The following FBXW10 variants were observed in gnomAD, a reference collection of about 807,000 sequenced individuals.
FBXW10 encodes the protein F-box and WD repeat domain containing 10.
Under a neutral mutation model 113.1 loss-of-function variants are expected in FBXW10, and 68 were observed. The observed-to-expected ratio is 0.60, with a 90% CI of 0.49 to 0.74. FBXW10 has a LOEUF of 0.74. FBXW10 is among the 30% of genes least tolerant of loss of function. The pLI is 0.00. For missense variants in FBXW10, 753 were observed against 1,284.5 expected, an observed-to-expected ratio of 0.59 and a Z score of 6.32; for synonymous variants, 289 against 481.6, an observed-to-expected ratio of 0.60 and a Z score of 5.24.
chr17:18,778,603 C>T lies in FBXW10; in HGVS notation c.2464C>T (p.Leu822=), dbSNP rs1312794315. ...CCAATTCCTCCTGACTGTTAGCGCCCTGCAGCACGCCCATAATTCCGGGGA... is the reference window on the plus strand; with the variant it reads ...CCAATTCCTCCTGACTGTTAGCGCCTTGCAGCACGCCCATAATTCCGGGGA... ...PDQFLLTVSA[L]QHAHNSGEFA... is the part of the protein sequence containing the mutation. Residue 822 remains leucine (L), a synonymous_variant, in exon 14 of 14, where the codon CTG becomes TTG. Transcript: ENST00000395665. 6.2e-7 allele frequency: 1 copy of T among 1,613,936 alleles called. No homozygotes were observed. The highest frequency in any genetic ancestry group is 1.1e-5 in the South Asian group (1 of 91,078).
intron 13 of FBXW10, among the ~76,000 whole-genome samples, chr17:18,778,086 TA>T (rs1321818463): frequency 1.3e-5 from 2 of 151,106 alleles, no homozygotes; most frequent in South Asian, 2.1e-4. Context: ...CTGTCTCTAC[TA>T]AAAAAAATAC....
intron 7 of FBXW10, 43 bp from the exon 8 acceptor site, chr17:18,764,699 G>A: frequency 6.2e-7 from 1 of 1,613,512 alleles, no homozygotes; most frequent in Non-Finnish European, 8.5e-7. Flanking sequence ...TGATCCTCTG[G>A]GCCCTCAGGA....
Position 18,772,393 on chromosome 17 carries a change from C to G in FBXW10, c.2007-19C>G, listed in dbSNP as rs2035631591. The stretch of plus-strand genomic sequence containing the variant: ...CCTCCACAGTCCTTTTGTGGACAAC[C>G]CTGTTGTTTCGGTTCCAGGATGGTG... On this transcript the variant is annotated intron_variant, in intron 11 of 13. Transcript: ENST00000395665. 4 of 1,608,422 alleles carry G rather than the reference C, an allele frequency of 2.5e-6. No individual in the cohort carries two copies. Among genetic ancestry groups the G allele is most frequent in the Non-Finnish European group, 3.4e-6 (4 of 1,177,036 alleles).
chr17:18,759,842 C>T (rs1023644217), intron 7 of FBXW10, among the ~76,000 whole-genome samples: 9 of 152,090 alleles, frequency 5.9e-5, no homozygotes, highest in Non-Finnish European at 1.0e-4. Context: ...GTCTCGATCT[C>T]CTGACCTCGT....
chr17:18,753,416 A>G (rs1022730079), intron 5 of FBXW10, among the ~76,000 whole-genome samples: 2 of 152,122 alleles, frequency 1.3e-5, no homozygotes, highest in East Asian at 3.9e-4. Flanking sequence ...CAAGCATCTG[A>G]TAAACTCTCC....
chr17:18,762,481 C>T (rs1597597656), intron 7 of FBXW10, among the ~76,000 whole-genome samples: 2 of 151,570 alleles, frequency 1.3e-5, no homozygotes, highest in East Asian at 1.9e-4. Context: ...CCACGCCCGG[C>T]GGCTAATGTT....
chr17:18,770,306 C>CT (rs60946049), intron 11 of FBXW10, among the ~76,000 whole-genome samples: 109,151 of 136,746 alleles, frequency 0.8, 42,995 homozygotes, highest in Non-Finnish European at 0.84. Context: ...TTCATTTTGA[C>CT]TTTTTTTTTT....
rs2151838384 is a variant in FBXW10 at position 18,778,917 on chromosome 17, C to T, written c.2778C>T (p.Asp926=). The change falls in exon 14 of 14, where the codon GAC becomes GAT. Residue 926 remains aspartate (D), a synonymous_variant. Transcript: ENST00000395665. The stretch of plus-strand genomic sequence containing the variant: ...TCTCTGGCAGCTTAAAGGGTGGAGA[C>T]CAAGTGACCAGTTCAATTGAAAGGG... ...SRFSGSLKGG[D]QVTSSIERAV... 5 of 1,613,434 alleles carry T rather than the reference C, an allele frequency of 3.1e-6. No individual in the cohort carries two copies. Among genetic ancestry groups the T allele is most frequent in the East Asian group, 2.2e-5 (1 of 44,884 alleles).
At chr17:18,771,803 T>C (rs764417683) in intron 11 of FBXW10, among the ~76,000 whole-genome samples, 13 of 152,158 alleles carry the variant, frequency 8.5e-5, no homozygotes, top group Non-Finnish European at 1.6e-4. Flanking sequence ...GAACAGAAAT[T>C]CATTTAAAAG....
intron 9 of FBXW10, 45 bp from the exon 10 acceptor site, chr17:18,768,489 A>T (rs1319956833): frequency 2.5e-6 from 4 of 1,605,116 alleles, no homozygotes; most frequent in Non-Finnish European, 3.4e-6. Flanking sequence ...TGGTTCTTGG[A>T]GGAGTCACAG....
chr17:18,770,499 T>TA (rs888844890), intron 11 of FBXW10, among the ~76,000 whole-genome samples: 1 of 151,964 alleles, frequency 6.6e-6, no homozygotes, highest in Non-Finnish European at 1.5e-5. Context: ...AGACGGGGTT[T>TA]CACCATCTTG....
intron 12 of FBXW10, among the ~76,000 whole-genome samples, chr17:18,774,109 A>G (rs1294256761): frequency 6.6e-6 from 1 of 150,600 alleles, no homozygotes; most frequent in African/African-American, 2.5e-5. Context: ...TGCTGTAAAG[A>G]GGTGACAATC....
At position 18,744,470 on chromosome 17, in the gene FBXW10, A is replaced by G; in HGVS notation, c.226A>G (p.Ile76Val). The change falls in exon 1 of 14, where the codon ATC becomes GTC. Residue 76 changes from isoleucine (I) to valine (V), a missense_variant. Physicochemically the swap from Ile to Val is conservative, Grantham distance 29. Coordinates refer to ENST00000395665, the MANE Select transcript of FBXW10 (RefSeq NM_001267585.2). ...ATATTTGTTACACTATTTCCAAAAT[A>G]TCCTTCAGACCACACAGGGAAAGGA... ...SLYLLHYFQN[I>V]LQTTQGKDFI... is the part of the protein sequence containing the mutation. The G allele has an allele frequency of 1.9e-6, 3 of 1,613,882 alleles. No individual in the cohort carries two copies. The highest frequency in any genetic ancestry group is 2.5e-6 in the Non-Finnish European group (3 of 1,179,858).
intron 11 of FBXW10, among the ~76,000 whole-genome samples, chr17:18,770,398 G>A (rs2035590017): frequency 6.6e-6 from 1 of 152,020 alleles, no homozygotes; most frequent in South Asian, 2.1e-4. Flanking sequence ...CCGCCTCCCG[G>A]GTTCAAGCAA....
At chr17:18,764,400 C>T (rs2035445846) in intron 7 of FBXW10, among the ~76,000 whole-genome samples, 1 of 152,010 alleles carries the variant, frequency 6.6e-6, no homozygotes, top group Non-Finnish European at 1.5e-5. Flanking sequence ...CAGGGTTTCA[C>T]CATGTTGGCC....
At chr17:18,757,294 C>T (rs1420565108) in intron 6 of FBXW10, among the ~76,000 whole-genome samples, 1 of 152,172 alleles carries the variant, frequency 6.6e-6, no homozygotes, top group Non-Finnish European at 1.5e-5. Flanking sequence ...AGCGATTCTC[C>T]TGCCTCAGTC....
intron 8 of FBXW10, among the ~76,000 whole-genome samples, chr17:18,766,313 T>C (rs1328995130): frequency 6.6e-6 from 1 of 152,164 alleles, no homozygotes; most frequent in Non-Finnish European, 1.5e-5. Context: ...GATTTTCTTT[T>C]TTTTTTTTTA....
chr17:18,777,668 C>T (rs1447734662), intron 13 of FBXW10, among the ~76,000 whole-genome samples: 2 of 151,546 alleles, frequency 1.3e-5, no homozygotes, highest in South Asian at 2.1e-4. Context: ...CTCAGCCTCC[C>T]GAGTAGCTGG....
chr17:18,769,238 A>T (rs1019728953), intron 10 of FBXW10, among the ~76,000 whole-genome samples: 4 of 152,088 alleles, frequency 2.6e-5, no homozygotes, highest in Non-Finnish European at 4.4e-5. Flanking sequence ...CCCAGCCAAT[A>T]ATACTATTTT....
Sources: gnomAD v4.1 joint callset for allele counts (sites outside exome capture counted in the v4.1 genomes callset) on GRCh38, gnomAD v4.1.1 for gene constraint, MANE v1.5 for transcripts, NCBI Gene and HGNC (gene_info 2026-07-23, HGNC 2026-07-21) for gene names.